Variants in HIPK1 observed in about 807,000 individuals in gnomAD.
HIPK1 encodes homeodomain-interacting protein kinase 1.
In HIPK1, 28 loss-of-function variants were observed where a neutral mutation model predicts 117.1. That is an observed-to-expected ratio of 0.24 (90% CI 0.18 to 0.33). HIPK1 has a LOEUF of 0.33. HIPK1 is among the 10% of genes least tolerant of loss of function. The pLI is 1.00. For missense variants in HIPK1, 1,122 were observed against 1,475.1 expected (o/e 0.76, Z 3.92); for synonymous variants, 605 against 562.5 (o/e 1.08, Z -1.07).
Position 113,971,851 on chromosome 1 carries a change from T to C in HIPK1, c.3041T>C (p.Val1014Ala), listed in dbSNP as rs768600072. Residue 1014 changes from valine to alanine, a missense_variant, in exon 15 of 16, where the codon GTC becomes GCC. Val to Ala is a moderately conservative substitution (Grantham distance 64). Transcript: ENST00000426820. ...SGLLSNKTKP[V>A]ASVSGQSSGC... ...CTCCTGAGCAATAAGACTAAGCCAGTCGCTTCAGTGAGTGGGCAGTCATCT... is the reference window on the plus strand; with the variant it reads ...CTCCTGAGCAATAAGACTAAGCCAGCCGCTTCAGTGAGTGGGCAGTCATCT... The C allele has an allele frequency of 6.9e-6, 11 of 1,599,154 alleles. No homozygotes were observed. The highest frequency in any genetic ancestry group is 1.7e-4 in the Middle Eastern group (1 of 6,032).
chr1:113,930,088 C>T (rs1051269903), intron 1 of HIPK1: 1 of 919,802 alleles, frequency 1.1e-6, no homozygotes, highest in Non-Finnish European at 1.3e-6. Flanking sequence ...GGACCGGGCG[C>T]CGCGTCTTGC....
At chr1:113,939,168 T>G (rs1322084779) in intron 1 of HIPK1, among the ~76,000 whole-genome samples, 1 of 152,002 alleles carries the variant, frequency 6.6e-6, no homozygotes, top group Non-Finnish European at 1.5e-5. Flanking sequence ...TTTTTTCTTT[T>G]TTTTGAGACA....
At chr1:113,946,077 C>T (rs1670974500) in intron 2 of HIPK1, among the ~76,000 whole-genome samples, 1 of 152,182 alleles carries the variant, frequency 6.6e-6, no homozygotes, top group Non-Finnish European at 1.5e-5. Flanking sequence ...CTGCCCTAGG[C>T]AACCTTGGCT....
intron 7 of HIPK1, 126 bp from the exon 8 acceptor site, chr1:113,957,940 T>G: frequency 2.8e-6 from 2 of 713,240 alleles, no homozygotes; most frequent in Non-Finnish European, 4.6e-6. Context: ...GAGAGTTATT[T>G]CAGAGGCAGT....
intron 2 of HIPK1, among the ~76,000 whole-genome samples, chr1:113,949,000 G>A (rs1671169426): frequency 2.6e-5 from 4 of 152,064 alleles, no homozygotes; most frequent in South Asian, 2.1e-4. Context: ...ACCATGCCCA[G>A]CTAATTTTTG....
chr1:113,964,789 G>A (rs956557920), intron 10 of HIPK1, among the ~76,000 whole-genome samples: 4 of 152,138 alleles, frequency 2.6e-5, no homozygotes, highest in Admixed American at 2.6e-4. Flanking sequence ...CTGTAGTTTC[G>A]AGGTTGGAAT....
intron 1 of HIPK1, 46 bp from the exon 2 acceptor site, chr1:113,940,336 G>T (rs558297238): frequency 6.8e-7 from 1 of 1,478,644 alleles, no homozygotes; most frequent in African/African-American, 1.4e-5. Context: ...TCTAAGCCTT[G>T]TATCTTTTAT....
At chr1:113,950,536 G>T (rs570405229) in intron 2 of HIPK1, among the ~76,000 whole-genome samples, 1 of 152,034 alleles carries the variant, frequency 6.6e-6, no homozygotes, top group African/African-American at 2.4e-5. Flanking sequence ...ATGGAGTCTC[G>T]CTCTGTCGCC....
At chr1:113,953,544 G>C (rs1217978454) in intron 3 of HIPK1, among the ~76,000 whole-genome samples, 2 of 152,218 alleles carry the variant, frequency 1.3e-5, no homozygotes, top group African/African-American at 4.8e-5. Context: ...TTGAGATGGA[G>C]TCTTGCTCTG....
intron 14 of HIPK1, among the ~76,000 whole-genome samples, chr1:113,970,496 C>CACAGACGTGTGATATTGCAAGAAG (rs1672751032): frequency 6.6e-6 from 1 of 152,184 alleles, no homozygotes; most frequent in African/African-American, 2.4e-5. Flanking sequence ...AATTAGCAGG[C>CACAGACGTGTGATATTGCAAGAAG]AATTAGGTTT....
At chr1:113,932,867 T>G (rs1469565205) in intron 1 of HIPK1, among the ~76,000 whole-genome samples, 4 of 152,256 alleles carry the variant, frequency 2.6e-5, no homozygotes, top group African/African-American at 9.6e-5. Flanking sequence ...ATCTCATTCT[T>G]CTGAAAGAGC....
chr1:113,939,876 C>T (rs1670530726), intron 1 of HIPK1, among the ~76,000 whole-genome samples: 1 of 151,520 alleles, frequency 6.6e-6, no homozygotes, highest in South Asian at 2.1e-4. Context: ...ACTGTTCTTA[C>T]ATCCTTTCCT....
At position 113,975,456 on chromosome 1, in the gene HIPK1, G is replaced by A. The variant is rs1229452788; in HGVS notation, c.*1944G>A. The A allele has an allele frequency of 6.5e-6, 1 of 152,762 alleles. No homozygotes were observed. The highest frequency in any genetic ancestry group is 2.4e-5 in the African/African-American group (1 of 41,442). The allele number at this position is 152,762 out of a possible 1,614,324, so 9.5% of individuals were successfully genotyped here. A position where few individuals can be genotyped will look rare whatever the true frequency, so the allele number is the denominator to read the frequency against. ...GTGAGAATTCAGGAAGCAGGTGAGA[G>A]GAGTCAAGCCAATATTAAATATGCA... On this transcript the variant is annotated 3_prime_UTR_variant, in exon 16 of 16. Coordinates refer to ENST00000426820, the MANE Select transcript of HIPK1 (RefSeq NM_198268.3).
intron 13 of HIPK1, among the ~76,000 whole-genome samples, chr1:113,969,015 A>T (rs546852383): frequency 6.6e-6 from 1 of 152,130 alleles, no homozygotes; most frequent in Admixed American, 6.5e-5. Context: ...GCAAGACTGC[A>T]TCCCCTCCCG....
At chr1:113,962,287 A>G (rs1281727779) in intron 8 of HIPK1, 30 bp from the exon 9 acceptor site, 1 of 1,608,592 alleles carries the variant, frequency 6.2e-7, no homozygotes, top group Non-Finnish European at 8.5e-7. Context: ...ACCTTGCAAA[A>G]CTATTTAACT....
chr1:113,950,784 T>G (rs1482403668), intron 2 of HIPK1, among the ~76,000 whole-genome samples: 1 of 152,230 alleles, frequency 6.6e-6, no homozygotes, highest in African/African-American at 2.4e-5. Context: ...ATTACAGGTG[T>G]GAGCCACTGC....
At chr1:113,955,820 A>C (rs1230864929) in intron 5 of HIPK1, among the ~76,000 whole-genome samples, 171 bp downstream of exon 5, 1 of 152,176 alleles carries the variant, frequency 6.6e-6, no homozygotes, top group African/African-American at 2.4e-5. Context: ...ATCCTAACCA[A>C]GTATATTTTT....
chr1:113,970,606 AT>A (rs1363469525), intron 14 of HIPK1, among the ~76,000 whole-genome samples: 1 of 152,144 alleles, frequency 6.6e-6, no homozygotes, highest in Non-Finnish European at 1.5e-5. Flanking sequence ...TATTCTTTAG[AT>A]TTTTTTCTCA....
At chr1:113,972,645 T>TA (rs1187333994) in intron 15 of HIPK1, among the ~76,000 whole-genome samples, 2 of 152,142 alleles carry the variant, frequency 1.3e-5, no homozygotes. Context: ...ATGAAGAACT[T>TA]AGAGGACGAA....
Sources: allele counts gnomAD v4.1 joint callset (sites outside exome capture counted in the v4.1 genomes callset), GRCh38; gene constraint gnomAD v4.1.1; transcripts MANE v1.5; gene names NCBI Gene and HGNC (gene_info 2026-07-23, HGNC 2026-07-21).